The following PIH1D1 variants were observed in gnomAD, a reference collection of about 807,000 sequenced individuals.
The protein encoded by PIH1D1 is PIH1 domain-containing protein 1.
A neutral mutation model predicts 38.5 loss-of-function variants in PIH1D1; 28 were observed. The ratio of observed to expected loss-of-function variants is 0.73; its 90% CI spans 0.54 to 1.00. The LOEUF (loss-of-function observed/expected upper bound fraction) is 1.00, where lower values mean the gene tolerates loss of function less well. Ranked by LOEUF, PIH1D1 falls within the 50% of genes least tolerant of loss-of-function variation. The pLI, the probability that PIH1D1 is intolerant of heterozygous loss-of-function variation, is 0.00. For synonymous variants in PIH1D1, 155 were observed against 153.5 expected (o/e 1.01, Z -0.07); for missense variants, 343 against 369.9 (o/e 0.93, Z 0.60).
At chr19:49,447,642 C>T (rs1240292776) in intron 5 of PIH1D1, 175 bp from the exon 6 acceptor site, 4 of 925,744 alleles carry the variant, frequency 4.3e-6, no homozygotes, top group Admixed American at 2.3e-5. Flanking sequence ...CCATGATATG[C>T]CCCAATAAAA....
chr19:49,451,686 A>C lies in PIH1D1; in HGVS notation c.-112T>G, dbSNP rs2079062166. 2 of 1,488,738 alleles carry C rather than the reference A, an allele frequency of 1.3e-6. No homozygotes were observed. Among genetic ancestry groups the C allele is most frequent in the Non-Finnish European group, 1.8e-6 (2 of 1,123,168 alleles). 92.2% of individuals were successfully genotyped at this position (1,488,738 alleles called of 1,614,324 possible). ...CCTCAATCGACTCCGGATACCTACT[A>C]TCCTGTTCAAAAACCTAAGACTGGC... On this transcript the variant is annotated 5_prime_UTR_variant, in exon 1 of 9. Transcript: ENST00000262265.
At chr19:49,449,809 T>G (rs899794724) in intron 2 of PIH1D1, among the ~76,000 whole-genome samples, 155 bp from the exon 3 acceptor site, 9 of 96,216 alleles carry the variant, frequency 9.4e-5, no homozygotes, top group African/African-American at 3.0e-4. Context: ...TTTTTTTTTT[T>G]TTTGAGACAG....
intron 1 of PIH1D1, 191 bp from the exon 2 acceptor site, chr19:49,451,039 T>C (rs559439506): frequency 2.5e-4 from 290 of 1,165,304 alleles, no homozygotes; most frequent in South Asian, 1.3e-3. Flanking sequence ...TTTTTTTTTT[T>C]TTTTTTTGGA....
At chr19:49,446,911 G>T in intron 7 of PIH1D1, 113 bp downstream of exon 7, 1 of 1,136,504 alleles carries the variant, frequency 8.8e-7, no homozygotes, top group Non-Finnish European at 1.3e-6. Flanking sequence ...CCTCCTGGCA[G>T]AGAGGACGCA....
chr19:49,447,707 C>G (rs1475341626), intron 5 of PIH1D1, 120 bp downstream of exon 5: 9 of 1,111,496 alleles, frequency 8.1e-6, no homozygotes, highest in Non-Finnish European at 1.2e-5. Flanking sequence ...AGACTCCACC[C>G]CCTCCTAGTA....
Position 49,451,812 on chromosome 19 carries a change from A to G in PIH1D1, c.-238T>C. The G allele has an allele frequency of 8.1e-7, 1 of 1,234,892 alleles. No individual in the cohort carries two copies. The highest frequency in any genetic ancestry group is 1.1e-6 in the Non-Finnish European group (1 of 942,036). The allele number at this position is 1,234,892 out of a possible 1,614,324, so 76.5% of individuals were successfully genotyped here. ...CCTCCGTCCTACGTGCCGAACTGTA[A>G]ACGAAGCCACACTTCCGGTCTATCG... On this transcript the variant is annotated 5_prime_UTR_variant, in exon 1 of 9. Transcript: ENST00000262265.
Position 49,447,815 on chromosome 19 carries a change from C to G in PIH1D1, c.481+12G>C, listed in dbSNP as rs2122328178. On this transcript the variant is annotated intron_variant, in intron 5 of 8. Transcript: ENST00000262265. ...TCCACTCTTTCCCGAGGGCCCAGGA[C>G]CTGCCCCTCACCCGGATTCAGCTGC... is the stretch of plus-strand genomic sequence containing the variant. 6.2e-7 allele frequency: 1 copy of G among 1,613,490 alleles called. No individual in the cohort carries two copies.
Position 49,446,438 on chromosome 19 carries a change from C to T in PIH1D1, c.832-15G>A. The T allele has an allele frequency of 8.8e-7, 1 of 1,133,300 alleles. No homozygotes were observed. The highest frequency in any genetic ancestry group is 1.4e-6 in the Non-Finnish European group (1 of 740,474). The allele number at this position is 1,133,300 out of a possible 1,614,324, so 70.2% of individuals were successfully genotyped here. ...ACCATTAATTGCTGAGGAGACAGAG[C>T]AAAGAGAATGAGGATCCAGGACCCA... On this transcript the variant is annotated splice_polypyrimidine_tract_variant and intron_variant, in intron 8 of 8. Transcript: ENST00000262265.
Position 49,451,652 on chromosome 19 carries a change from T to G in PIH1D1, c.-78A>C. 1 of 1,577,090 alleles carries G rather than the reference T, an allele frequency of 6.3e-7. No homozygotes were observed. The highest frequency in any genetic ancestry group is 8.6e-7 in the Non-Finnish European group (1 of 1,166,034). On this transcript the variant is annotated 5_prime_UTR_variant, in exon 1 of 9. Transcript: ENST00000262265. ...TGCCCAGGATCCGAACCCCAGTGCC[T>G]GCTCTGGCCCTCAATCGACTCCGGA...
intron 2 of PIH1D1, 105 bp downstream of exon 2, chr19:49,450,677 A>AGCCCC: frequency 2.5e-5 from 9 of 353,418 alleles, no homozygotes; most frequent in Middle Eastern, 1.2e-3. Flanking sequence ...GTGTCTGCTC[A>AGCCCC]CCCCACCCCC....
rs1601006807 is a variant in PIH1D1 at position 49,451,493 on chromosome 19, G to T, written c.82C>A (p.Leu28Met). 2 of 1,613,790 alleles carry T rather than the reference G, an allele frequency of 1.2e-6. No homozygotes were observed. The highest frequency in any genetic ancestry group is 1.7e-6 in the Non-Finnish European group (2 of 1,179,974). ...GADSARFEEL[L>M]LQASKELQQA... ...GGGTCCGGTCACTGCACCTGCAGCA[G>T]CAGCTCCTCAAATCGCGCCGAATCA... is the stretch of plus-strand genomic sequence containing the variant. The change falls in exon 1 of 9, where the codon CTG becomes ATG. Residue 28 changes from leucine (L) to methionine (M), a missense_variant. Leu to Met is a conservative substitution (Grantham distance 15, BLOSUM62 2). Transcript: ENST00000262265.
chr19:49,446,775 G>A (rs767986255), intron 7 of PIH1D1, 81 bp from the exon 8 acceptor site: 2 of 1,407,684 alleles, frequency 1.4e-6, no homozygotes, highest in African/African-American at 2.9e-5. Context: ...TCACACGCTG[G>A]GAAACTATAT....
At position 49,446,427 on chromosome 19, in the gene PIH1D1, A is replaced by C; in HGVS notation, c.832-4T>G. On this transcript the variant is annotated splice_polypyrimidine_tract_variant and splice_region_variant and intron_variant, in intron 8 of 8. Transcript: ENST00000262265. ...GCGGCATGGCCACCATTAATTGCTG[A>C]GGAGACAGAGCAAAGAGAATGAGGA... 9.7e-7 allele frequency: 1 copy of C among 1,033,588 alleles called. No homozygotes were observed. Among genetic ancestry groups the C allele is most frequent in the South Asian group, 1.3e-5 (1 of 79,762 alleles). The allele number at this position is 1,033,588 out of a possible 1,614,324, so 64.0% of individuals were successfully genotyped here. A position where few individuals can be genotyped will look rare whatever the true frequency, so the allele number is the denominator to read the frequency against.
chr19:49,451,359 C>A (rs1601006297), intron 1 of PIH1D1, 126 bp downstream of exon 1: 2 of 1,354,514 alleles, frequency 1.5e-6, no homozygotes, highest in East Asian at 4.7e-5. Context: ...AAACTTGAAG[C>A]CCATTAACCT....
chr19:49,447,395 G>A lies in PIH1D1; in HGVS notation c.554C>T (p.Pro185Leu), dbSNP rs1192132011. Residue 185 changes from proline (P) to leucine (L), a missense_variant, in exon 6 of 9, where the codon CCT becomes CTT. Pro to Leu is a moderately conservative substitution (Grantham distance 98, BLOSUM62 -3). Coordinates refer to ENST00000262265, the MANE Select transcript of PIH1D1 (RefSeq NM_017916.3). ...SQQNIRSEQR[P>L]RIQELGDLYT... ...CAGGTCCCCCAGCTCCTGGATCCGAGGACGCTGCTCCGAGCGGATGTTCTG... is the reference window on the plus strand; with the variant it reads ...CAGGTCCCCCAGCTCCTGGATCCGAAGACGCTGCTCCGAGCGGATGTTCTG... 1.9e-6 allele frequency: 3 copies of A among 1,613,516 alleles called. No individual in the cohort carries two copies. The highest frequency in any genetic ancestry group is 1.7e-5 in the Admixed American group (1 of 60,004).
At chr19:49,451,237 G>A in intron 1 of PIH1D1, 1 of 511,268 alleles carries the variant, frequency 2.0e-6, no homozygotes, top group Non-Finnish European at 3.5e-6. Flanking sequence ...CACCGTGTTA[G>A]CCAGGATGGT....
chr19:49,447,639 A>G, intron 5 of PIH1D1, 172 bp from the exon 6 acceptor site: 1 of 921,282 alleles, frequency 1.1e-6, no homozygotes, highest in South Asian at 1.5e-5. Context: ...CTCCCATGAT[A>G]TGCCCCAATA....
chr19:49,450,821 TCTGGGCTTG>T lies in PIH1D1; in HGVS notation c.109_117del (p.Gln37_Gln39del). 6.2e-7 allele frequency: 1 copy of T among 1,613,504 alleles called. No homozygotes were observed. The highest frequency in any genetic ancestry group is 8.5e-7 in the Non-Finnish European group (1 of 1,179,930). ...ATTTGTGTCGATTCTGGTCTGGTTG[TCTGGGCTTG>T]CTGGAGCTCCTTCGAGGCCTGTATA... On this transcript the variant is annotated inframe_deletion, in exon 2 of 9. Transcript: ENST00000262265.
chr19:49,451,026 T>C, intron 1 of PIH1D1, 178 bp from the exon 2 acceptor site: 2 of 39,352 alleles, frequency 5.1e-5, no homozygotes, highest in Non-Finnish European at 3.8e-5. Context: ...TTCCCATTTC[T>C]TTTTTTTTTT....
Sources: allele counts gnomAD v4.1 joint callset (sites outside exome capture counted in the v4.1 genomes callset), GRCh38; gene constraint gnomAD v4.1.1; transcripts MANE v1.5; gene names NCBI Gene and HGNC (gene_info 2026-07-23, HGNC 2026-07-21).